TIAM1: variants seen among roughly 807,000 people sequenced by gnomAD.
The protein encoded by TIAM1 is TIAM Rac1 associated GEF 1.
In TIAM1, 65 loss-of-function variants were observed where a neutral mutation model predicts 163.5. The observed-to-expected ratio is 0.40, with a 90% CI of 0.33 to 0.49. The LOEUF is 0.49. Among genes scored for constraint, TIAM1 ranks in the 20% least tolerant of loss-of-function variants. TIAM1 has a pLI of 0.77. For missense variants in TIAM1, 1,789 were observed against 2,044.7 expected, an observed-to-expected ratio of 0.87 and a Z score of 2.41; for synonymous variants, 833 against 810.1, an observed-to-expected ratio of 1.03 and a Z score of -0.48.
chr21:31,388,268 C>T lies in TIAM1; in HGVS notation c.-368-48846G>A, dbSNP rs181999635. ...ACACACACACACACACAACCTCTTA[C>T]GTGAATACGGTGAATCTGATAAAGA... On this transcript the variant is annotated intron_variant, in intron 2 of 28. Transcript: ENST00000286827. Among the ~76,000 whole-genome samples, 1,219 of 147,190 alleles carry T rather than the reference C, an allele frequency of 8.3e-3. 14 individuals carry two copies. Among genetic ancestry groups the T allele is most frequent in the African/African-American group, 0.03 (1,169 of 39,286 alleles).
At chr21:31,280,292 C>A (rs1429692016) in intron 2 of TIAM1, among the ~76,000 whole-genome samples, 1 of 152,164 alleles carries the variant, frequency 6.6e-6, no homozygotes, top group Non-Finnish European at 1.5e-5. Context: ...TTGTGCTGTT[C>A]TCCCAATTGG....
At chr21:31,382,042 T>A (rs746833418) in intron 2 of TIAM1, among the ~76,000 whole-genome samples, 1 of 152,158 alleles carries the variant, frequency 6.6e-6, no homozygotes, top group Non-Finnish European at 1.5e-5. Context: ...TCAAACTGCC[T>A]AAGACAAAGA....
intron 23 of TIAM1, among the ~76,000 whole-genome samples, chr21:31,135,450 A>G (rs557983393): frequency 2.0e-5 from 3 of 152,336 alleles, no homozygotes; most frequent in Admixed American, 1.3e-4. Context: ...GGCACTCCAG[A>G]GTTGCCACAA....
intron 4 of TIAM1, among the ~76,000 whole-genome samples, chr21:31,258,821 A>G (rs1320206819): frequency 1.3e-5 from 2 of 152,090 alleles, no homozygotes; most frequent in Non-Finnish European, 2.9e-5. Context: ...CTCAAAAAAA[A>G]AAAAAAAACC....
intron 2 of TIAM1, among the ~76,000 whole-genome samples, chr21:31,430,855 G>A (rs2044003306): frequency 6.6e-6 from 1 of 151,974 alleles, no homozygotes; most frequent in South Asian, 2.1e-4. Flanking sequence ...TTGTATATAT[G>A]TAACAGAATT....
intron 2 of TIAM1, among the ~76,000 whole-genome samples, chr21:31,314,568 TAC>T (rs2075040729): frequency 6.6e-6 from 1 of 152,188 alleles, no homozygotes; most frequent in Non-Finnish European, 1.5e-5. Flanking sequence ...TCAACCCCAG[TAC>T]ACACACATAA....
intron 2 of TIAM1, among the ~76,000 whole-genome samples, chr21:31,387,188 T>G (rs1018442006): frequency 1.5e-5 from 2 of 135,648 alleles, no homozygotes; most frequent in Non-Finnish European, 3.1e-5. Context: ...TTGTAGAAGC[T>G]TATTCTCTTT....
At chr21:31,182,226 G>C (rs1254606869) in intron 15 of TIAM1, among the ~76,000 whole-genome samples, 195 bp downstream of exon 15, 1 of 152,216 alleles carries the variant, frequency 6.6e-6, no homozygotes, top group Non-Finnish European at 1.5e-5. Flanking sequence ...ACAGCTCTAT[G>C]AGAAAATAAA....
chr21:31,283,941 G>T (rs1321490264), intron 2 of TIAM1, among the ~76,000 whole-genome samples: 1 of 152,084 alleles, frequency 6.6e-6, no homozygotes, highest in Non-Finnish European at 1.5e-5. Context: ...CACAGCTTTG[G>T]GCTCGCTCTT....
At position 31,327,643 on chromosome 21, in the gene TIAM1, CAAAAA is replaced by C. The variant is rs373702154; in HGVS notation, c.-189+11595_-189+11599del. Among the ~76,000 whole-genome samples the C allele has an allele frequency of 9.8e-3, 682 of 69,476 alleles. 3 individuals are homozygous for C. Among genetic ancestry groups the C allele is most frequent in the South Asian group, 0.027 (38 of 1,424 alleles). 45.6% of individuals were successfully genotyped at this position (69,476 alleles called of 152,430 possible). A position where few individuals can be genotyped will look rare whatever the true frequency, so the allele number is the denominator to read the frequency against. ...GCAACAGAGTGAAACGCCGCCATCTCAAAAAAAAAAAAAAAAAAAGGAAAGAAAAG... is the reference window on the plus strand; with the variant it reads ...GCAACAGAGTGAAACGCCGCCATCTCAAAAAAAAAAAAAAGGAAAGAAAAG... On this transcript the variant is annotated intron_variant, in intron 2 of 27. Transcript: ENST00000541036.
intron 1 of TIAM1, among the ~76,000 whole-genome samples, chr21:31,533,625 A>T (rs1477417142): frequency 6.6e-6 from 1 of 151,888 alleles, no homozygotes; most frequent in African/African-American, 2.4e-5. Context: ...CTCAGCTACC[A>T]GGGAGGCTGA....
intron 1 of TIAM1, among the ~76,000 whole-genome samples, chr21:31,552,788 A>G (rs2048738283): frequency 6.6e-6 from 1 of 152,162 alleles, no homozygotes; most frequent in Non-Finnish European, 1.5e-5. Flanking sequence ...AAAAAAAGAG[A>G]GAGAATAAGA....
intron 11 of TIAM1, among the ~76,000 whole-genome samples, chr21:31,208,128 A>G (rs2086548205): frequency 6.6e-6 from 1 of 152,186 alleles, no homozygotes; most frequent in Non-Finnish European, 1.5e-5. Context: ...GTCAATGACA[A>G]TACTATTCTT....
At chr21:31,533,248 G>C (rs1269416611) in intron 1 of TIAM1, among the ~76,000 whole-genome samples, 1 of 152,120 alleles carries the variant, frequency 6.6e-6, no homozygotes, top group Non-Finnish European at 1.5e-5. Context: ...TTGAACATGG[G>C]AGGCAGAAGG....
chr21:31,473,715 C>T (rs1349768032), intron 1 of TIAM1, among the ~76,000 whole-genome samples: 1 of 152,002 alleles, frequency 6.6e-6, no homozygotes, highest in African/African-American at 2.4e-5. Context: ...AGTCAAAGAT[C>T]AGCGAGTGAG....
intron 2 of TIAM1, among the ~76,000 whole-genome samples, chr21:31,440,679 G>A (rs950603488): frequency 2.0e-5 from 3 of 152,028 alleles, no homozygotes; most frequent in Non-Finnish European, 2.9e-5. Context: ...TCAGAGCATC[G>A]AGACCATCCT....
chr21:31,474,982 T>C (rs997797868), intron 1 of TIAM1, among the ~76,000 whole-genome samples: 2 of 151,668 alleles, frequency 1.3e-5, no homozygotes, highest in Non-Finnish European at 2.9e-5. Context: ...GAACAGGATT[T>C]GAATTGCAGC....
At chr21:31,229,981 G>C (rs1269751035) in intron 6 of TIAM1, among the ~76,000 whole-genome samples, 5 of 152,168 alleles carry the variant, frequency 3.3e-5, no homozygotes, top group Non-Finnish European at 7.3e-5. Context: ...AGGATAATGT[G>C]TGGGCATCCA....
At chr21:31,374,166 G>A (rs1004204884) in intron 2 of TIAM1, among the ~76,000 whole-genome samples, 11 of 152,008 alleles carry the variant, frequency 7.2e-5, no homozygotes, top group East Asian at 3.9e-4. Context: ...AGTGCTTGGC[G>A]CTGTGAAGAA....
Sources: gnomAD v4.1 joint callset for allele counts (sites outside exome capture counted in the v4.1 genomes callset) on GRCh38, gnomAD v4.1.1 for gene constraint, MANE v1.5 for transcripts, NCBI Gene and HGNC (gene_info 2026-07-23, HGNC 2026-07-21) for gene names.